Variants in TEK observed in about 807,000 individuals in gnomAD.
TEK encodes TEK receptor tyrosine kinase.
In TEK, 43 loss-of-function variants were observed where a neutral mutation model predicts 131.8. The observed-to-expected ratio is 0.33, with a 90% CI of 0.26 to 0.42. TEK has a LOEUF of 0.42. Among genes scored for constraint, TEK ranks in the 10% least tolerant of loss-of-function variants. TEK has a pLI of 1.00. For synonymous variants in TEK, 580 were observed against 491.6 expected, an observed-to-expected ratio of 1.18 and a Z score of -2.38; for missense variants, 1,162 against 1,384.4, an observed-to-expected ratio of 0.84 and a Z score of 2.55.
intron 1 of TEK, among the ~76,000 whole-genome samples, chr9:27,127,472 C>T (rs1009025136): frequency 1.2e-4 from 19 of 152,256 alleles, no homozygotes; most frequent in African/African-American, 3.9e-4. Context: ...GACTTATAAT[C>T]CTTTGGGTGT....
chr9:27,205,390 A>G (rs1825365768), intron 14 of TEK, among the ~76,000 whole-genome samples: 1 of 152,208 alleles, frequency 6.6e-6, no homozygotes, highest in African/African-American at 2.4e-5. Context: ...AACAGAATAA[A>G]TTGAACATTT....
chr9:27,166,091 A>G (rs1467219862), intron 2 of TEK, among the ~76,000 whole-genome samples: 1 of 152,222 alleles, frequency 6.6e-6, no homozygotes, highest in Non-Finnish European at 1.5e-5. Context: ...GGTTCATCAC[A>G]AGGTCCTCAG....
intron 12 of TEK, among the ~76,000 whole-genome samples, chr9:27,202,005 G>A (rs1214962518): frequency 1.3e-5 from 2 of 152,276 alleles, no homozygotes; most frequent in South Asian, 4.1e-4. Flanking sequence ...ACAAGAGCTC[G>A]AATCCATTCT....
intron 9 of TEK, among the ~76,000 whole-genome samples, chr9:27,189,717 G>C (rs2131181408): frequency 6.6e-6 from 1 of 152,270 alleles, no homozygotes; most frequent in Admixed American, 6.5e-5. Context: ...AAGCTAGAAA[G>C]AACAAGGAAA....
chr9:27,111,312 G>A (rs1360307268), intron 1 of TEK, among the ~76,000 whole-genome samples: 1 of 152,154 alleles, frequency 6.6e-6, no homozygotes, highest in Non-Finnish European at 1.5e-5. Context: ...TGTCTTGATC[G>A]TAGCTTGCAT....
chr9:27,136,202 C>G (rs972735443), intron 1 of TEK, among the ~76,000 whole-genome samples: 3 of 151,898 alleles, frequency 2.0e-5, no homozygotes, highest in Admixed American at 6.6e-5. Context: ...CTGCCTCAGC[C>G]TCCCGAGTAG....
At chr9:27,170,679 T>C (rs1823922193) in intron 4 of TEK, among the ~76,000 whole-genome samples, 1 of 152,066 alleles carries the variant, frequency 6.6e-6, no homozygotes, top group Non-Finnish European at 1.5e-5. Context: ...TCAGTTGTGG[T>C]GGGTGTGGGG....
intron 2 of TEK, among the ~76,000 whole-genome samples, chr9:27,165,576 C>T (rs568625013): frequency 3.3e-5 from 5 of 152,214 alleles, no homozygotes; most frequent in South Asian, 4.2e-4. Context: ...AGAAGGATAC[C>T]GACCTCTTCT....
At chr9:27,173,507 T>A in intron 6 of TEK, 145 bp downstream of exon 6, 58 of 972,500 alleles carry the variant, frequency 6.0e-5, no homozygotes, top group Non-Finnish European at 9.1e-5. Context: ...CATGGATGTT[T>A]ACATCCAATG....
intron 1 of TEK, among the ~76,000 whole-genome samples, chr9:27,139,964 C>G (rs1408845486): frequency 1.3e-5 from 2 of 152,104 alleles, no homozygotes; most frequent in African/African-American, 4.8e-5. Flanking sequence ...CTTGGCTTCC[C>G]CAGTCCCGCT....
intron 2 of TEK, among the ~76,000 whole-genome samples, chr9:27,164,892 A>G (rs1170610345): frequency 6.6e-6 from 1 of 152,188 alleles, no homozygotes; most frequent in Non-Finnish European, 1.5e-5. Context: ...AGTAGGTGCT[A>G]TTAAAAGGTA....
chr9:27,158,169 G>A (rs1389447710), intron 2 of TEK, 27 bp downstream of exon 2: 4 of 1,613,624 alleles, frequency 2.5e-6, no homozygotes, highest in Non-Finnish European at 3.4e-6. Flanking sequence ...TTTTGGGCAG[G>A]TGAGGCCCAC....
At chr9:27,114,539 C>T (rs554545677) in intron 1 of TEK, among the ~76,000 whole-genome samples, 11 of 151,090 alleles carry the variant, frequency 7.3e-5, no homozygotes, top group African/African-American at 2.4e-4. Context: ...CCACTGCACT[C>T]GAGCCTGCAT....
At chr9:27,111,664 T>A (rs956019668) in intron 1 of TEK, among the ~76,000 whole-genome samples, 7 of 152,164 alleles carry the variant, frequency 4.6e-5, no homozygotes, top group Non-Finnish European at 1.0e-4. Context: ...TCTGTTGCTT[T>A]CCTTTTCTGA....
At position 27,157,849 on chromosome 9, in the gene TEK, T is replaced by C; in HGVS notation, c.71T>C (p.Met24Thr). 1 of 1,614,176 alleles carries C rather than the reference T, an allele frequency of 6.2e-7. No individual in the cohort carries two copies. Among genetic ancestry groups the C allele is most frequent in the Non-Finnish European group, 8.5e-7 (1 of 1,180,022 alleles). The change falls in exon 2 of 23, where the codon ATG becomes ACG. Residue 24 changes from methionine (M) to threonine (T), a missense_variant. This residue lies in a region of TEK where 436 missense variants were observed against 539.1 expected (regional missense o/e 0.81). Coordinates refer to ENST00000380036, the MANE Select transcript of TEK (RefSeq NM_000459.5). ...CTTTTAGGAACTGTGGAAGGTGCCA[T>C]GGACTTGATCTTGATCAATTCCCTA... ...LLLSGTVEGA[M>T]DLILINSLPL... is the part of the protein sequence containing the mutation.
chr9:27,169,085 T>C (rs1484123457), intron 3 of TEK, among the ~76,000 whole-genome samples: 2 of 152,228 alleles, frequency 1.3e-5, no homozygotes, highest in Non-Finnish European at 2.9e-5. Flanking sequence ...TTCTGAAGTC[T>C]GTGAGTGGAT....
chr9:27,151,794 G>A (rs773665938), intron 1 of TEK, among the ~76,000 whole-genome samples: 17 of 152,234 alleles, frequency 1.1e-4, no homozygotes, highest in Non-Finnish European at 1.6e-4. Context: ...AAGTCTGCGT[G>A]GTAAGTGAAT....
rs1197387778 is a variant in TEK, at chr9:27,217,767, ACTT to A, written c.3062+13_3062+15del. 4.4e-6 allele frequency: 7 copies of A among 1,585,418 alleles called. No individual in the cohort carries two copies. Among genetic ancestry groups the A allele is most frequent in the East Asian group, 4.6e-5 (2 of 43,372 alleles). On this transcript the variant is annotated intron_variant, in intron 19 of 22. Transcript: ENST00000380036. ...ACAACCAACAGTGATGTGTGAGTAA[ACTT>A]CTTATTGCCAAGGGATTTTTTTTCC...
At chr9:27,126,661 C>G (rs943201756) in intron 1 of TEK, among the ~76,000 whole-genome samples, 4 of 152,134 alleles carry the variant, frequency 2.6e-5, no homozygotes, top group African/African-American at 9.7e-5. Context: ...AGAAACTGCT[C>G]CAGTCTAGGG....
Sources: gnomAD v4.1 joint callset for allele counts (sites outside exome capture counted in the v4.1 genomes callset) on GRCh38, gnomAD v4.1.1 for gene constraint, gnomAD v4.1.1 regional missense constraint, MANE v1.5 for transcripts, NCBI Gene and HGNC (gene_info 2026-07-23, HGNC 2026-07-21) for gene names.